BMP2K: variants seen among roughly 807,000 people sequenced by gnomAD.
BMP2K encodes BMP2 inducible kinase.
Under a neutral mutation model 116.0 loss-of-function variants are expected in BMP2K, and 74 were observed. The ratio of observed to expected loss-of-function variants is 0.64; its 90% CI spans 0.53 to 0.77. The LOEUF (loss-of-function observed/expected upper bound fraction) is 0.77, where lower values mean the gene tolerates loss of function less well. BMP2K is among the 30% of genes least tolerant of loss of function. The probability of loss-of-function intolerance (pLI) is 0.00; values close to 1 mark genes in which losing one functional copy is unlikely to be tolerated. For missense variants in BMP2K, 1,365 were observed against 1,403.6 expected (o/e 0.97, Z 0.44); for synonymous variants, 486 against 502.5 (o/e 0.97, Z 0.44).
At chr4:78,822,453 ATACCAAT>A (rs1158899005) in intron 1 of BMP2K, among the ~76,000 whole-genome samples, 1 of 152,158 alleles carries the variant, frequency 6.6e-6, no homozygotes, top group Admixed American at 6.5e-5. Context: ...AGTGCAAAAG[ATACCAAT>A]TATTTTTCTT....
intron 1 of BMP2K, among the ~76,000 whole-genome samples, chr4:78,811,732 C>T (rs59030520): frequency 0.058 from 8,861 of 152,224 alleles, 368 homozygotes; most frequent in East Asian, 0.22. Flanking sequence ...AAAGATATTT[C>T]TTACAAAACA....
rs1200178979 is a variant in BMP2K at position 78,915,819 on chromosome 4, T to A, written c.*3786T>A. The A allele has an allele frequency of 6.6e-6, 1 of 151,962 alleles. No individual in the cohort carries two copies. Among genetic ancestry groups the A allele is most frequent in the East Asian group, 1.9e-4 (1 of 5,198 alleles). 9.4% of individuals were successfully genotyped at this position (151,962 alleles called of 1,614,324 possible). A position where few individuals can be genotyped will look rare whatever the true frequency, so the allele number is the denominator to read the frequency against. On this transcript the variant is annotated 3_prime_UTR_variant, in exon 16 of 16. Coordinates refer to ENST00000502613, the MANE Select transcript of BMP2K (RefSeq NM_198892.2). ...ATTTGGGGTTATTTTTGTTTTATTT[T>A]AAAATTTATACTGCTACTTTTGAAA...
intron 14 of BMP2K, among the ~76,000 whole-genome samples, chr4:78,884,507 A>G (rs148242326): frequency 5.1e-4 from 78 of 152,302 alleles, no homozygotes; most frequent in African/African-American, 1.8e-3. Flanking sequence ...GTCTGTTTCT[A>G]ATTCAGACCT....
intron 1 of BMP2K, among the ~76,000 whole-genome samples, chr4:78,779,894 A>G (rs1179728435): frequency 6.6e-6 from 1 of 152,202 alleles, no homozygotes; most frequent in Admixed American, 6.5e-5. Flanking sequence ...AAGGACTGAT[A>G]ACATAGTGAG....
intron 15 of BMP2K, among the ~76,000 whole-genome samples, chr4:78,889,503 TTGTC>T (rs1733309429): frequency 6.6e-6 from 1 of 152,298 alleles, no homozygotes; most frequent in African/African-American, 2.4e-5. Flanking sequence ...TTGAAATACT[TTGTC>T]ATGTATAATT....
rs1332128620 is a variant in BMP2K, at chr4:78,910,700, C to T, written c.2153C>T (p.Ser718Phe). 6.2e-7 allele frequency: 1 copy of T among 1,612,412 alleles called. No homozygotes were observed. The change falls in exon 16 of 16, where the codon TCT (serine) becomes TTT (phenylalanine). Residue 718 changes from serine (S) to phenylalanine (F), a missense_variant. By Grantham distance (155) the Ser-to-Phe change is radical. Transcript: ENST00000502613. ...AAGAACGGTAAAACAAGTCCAGCAT[C>T]TAAAGATCAGCGGACTGGAAAGAAA... ...PIKNGKTSPA[S>F]KDQRTGKKTS... is the part of the protein sequence containing the mutation.
chr4:78,783,488 A>G (rs1225534768), intron 1 of BMP2K, among the ~76,000 whole-genome samples: 1 of 152,206 alleles, frequency 6.6e-6, no homozygotes, highest in Non-Finnish European at 1.5e-5. Context: ...GAAATTTATA[A>G]TGCATTTATC....
At chr4:78,806,574 A>G (rs1728830835) in intron 1 of BMP2K, among the ~76,000 whole-genome samples, 1 of 152,186 alleles carries the variant, frequency 6.6e-6, no homozygotes, top group African/African-American at 2.4e-5. Flanking sequence ...TGCTTGGGCT[A>G]GAATCTTCTC....
intron 3 of BMP2K, among the ~76,000 whole-genome samples, chr4:78,835,265 T>C (rs1446960358): frequency 2.0e-5 from 3 of 152,170 alleles, no homozygotes; most frequent in African/African-American, 7.2e-5. Flanking sequence ...GGTATTCAAA[T>C]CATCAAGCTC....
intron 1 of BMP2K, among the ~76,000 whole-genome samples, chr4:78,808,357 C>A (rs917862171): frequency 6.6e-6 from 1 of 151,626 alleles, no homozygotes; most frequent in Admixed American, 6.6e-5. Flanking sequence ...GCTTCACCTC[C>A]TGGGTTCACA....
intron 9 of BMP2K, among the ~76,000 whole-genome samples, chr4:78,864,705 A>G (rs1015267663): frequency 2.6e-5 from 4 of 152,156 alleles, no homozygotes; most frequent in Admixed American, 2.6e-4. Context: ...ATATGTATGT[A>G]AAAATTTTAA....
chr4:78,883,391 A>G (rs545036672), intron 14 of BMP2K, among the ~76,000 whole-genome samples: 1 of 152,296 alleles, frequency 6.6e-6, no homozygotes, highest in Non-Finnish European at 1.5e-5. Context: ...TCACATTTTC[A>G]TGTGAACTTT....
chr4:78,872,611 C>T lies in BMP2K; in HGVS notation c.1609-3C>T. On this transcript the variant is annotated splice_polypyrimidine_tract_variant and splice_region_variant and intron_variant, in intron 12 of 15. Coordinates refer to ENST00000502613, the MANE Select transcript of BMP2K (RefSeq NM_198892.2). ...TTTTGTATAATATCATTTCTTTTTT[C>T]AGATGCCGCAGTATCAGCAGGCTTT... is the stretch of plus-strand genomic sequence containing the variant. The T allele has an allele frequency of 6.2e-7, 1 of 1,611,908 alleles. No homozygotes were observed. Among genetic ancestry groups the T allele is most frequent in the South Asian group, 1.1e-5 (1 of 90,936 alleles).
chr4:78,879,363 G>A (rs1732789382), intron 14 of BMP2K: 3 of 986,476 alleles, frequency 3.0e-6, no homozygotes, highest in Non-Finnish European at 3.6e-6. Flanking sequence ...TCCTTTTAAT[G>A]AGTGGTGACA....
intron 1 of BMP2K, among the ~76,000 whole-genome samples, chr4:78,814,516 A>T (rs1167379411): frequency 6.6e-6 from 1 of 152,208 alleles, no homozygotes; most frequent in Non-Finnish European, 1.5e-5. Flanking sequence ...TGTTCTCATG[A>T]TAGTGAGTGA....
chr4:78,807,060 C>T (rs1728858336), intron 1 of BMP2K, among the ~76,000 whole-genome samples: 1 of 151,980 alleles, frequency 6.6e-6, no homozygotes, highest in Non-Finnish European at 1.5e-5. Context: ...CCATGTTGGC[C>T]AGGCTGGTCT....
intron 3 of BMP2K, among the ~76,000 whole-genome samples, chr4:78,834,631 G>C (rs1186310746): frequency 3.9e-5 from 6 of 152,134 alleles, no homozygotes; most frequent in Non-Finnish European, 8.8e-5. Context: ...GCCATATTTG[G>C]CACTTGTGGT....
At position 78,776,595 on chromosome 4, in the gene BMP2K, G is replaced by T; in HGVS notation, c.52G>T (p.Ala18Ser). ...PKSEGGSGGGAAGGGAGGAGA... is the reference protein window; with the variant it reads ...PKSEGGSGGGSAGGGAGGAGA... ...GTCGGAGGGCGGCAGCGGCGGCGGAGCGGCGGGTGGCGGGGCTGGCGGGGC... is the reference window on the plus strand; with the variant it reads ...GTCGGAGGGCGGCAGCGGCGGCGGATCGGCGGGTGGCGGGGCTGGCGGGGC... The change falls in exon 1 of 16, where the codon GCG becomes TCG. Residue 18 changes from alanine (A) to serine (S), a missense_variant. Coordinates refer to ENST00000502613, the MANE Select transcript of BMP2K (RefSeq NM_198892.2). 8.5e-7 allele frequency: 1 copy of T among 1,178,196 alleles called. No individual in the cohort carries two copies. The allele number at this position is 1,178,196 out of a possible 1,614,324, so 73.0% of individuals were successfully genotyped here. A position where few individuals can be genotyped will look rare whatever the true frequency, so the allele number is the denominator to read the frequency against.
At position 78,804,922 on chromosome 4, in the gene BMP2K, G is replaced by A. The variant is rs1053429988; in HGVS notation, c.179-21115G>A. Among the ~76,000 whole-genome samples the A allele has an allele frequency of 4.6e-5, 7 of 150,920 alleles. No homozygotes were observed. The East Asian group carries it at 1.3e-3, about 29-fold the overall frequency. ...GTCTTCAAAAATTTTAAATTTTGAT[G>A]AATTTTAATTTATTATTTTTTGGTT... On this transcript the variant is annotated intron_variant, in intron 1 of 15. Transcript: ENST00000502613.
Sources: allele counts gnomAD v4.1 joint callset (sites outside exome capture counted in the v4.1 genomes callset), GRCh38; gene constraint gnomAD v4.1.1; transcripts MANE v1.5; gene names NCBI Gene and HGNC (gene_info 2026-07-23, HGNC 2026-07-21).